The following RGL1 variants were observed in gnomAD, a reference collection of about 807,000 sequenced individuals.
RGL1 encodes ral guanine nucleotide dissociation stimulator like 1.
Under a neutral mutation model 95.2 loss-of-function variants are expected in RGL1, and 24 were observed. The observed-to-expected ratio is 0.25, with a 90% CI of 0.18 to 0.35. RGL1 has a LOEUF of 0.35. RGL1 is among the 10% of genes least tolerant of loss of function. The pLI, the probability that RGL1 is intolerant of heterozygous loss-of-function variation, is 1.00. For missense variants in RGL1, 715 were observed against 936.3 expected, an observed-to-expected ratio of 0.76 and a Z score of 3.08; for synonymous variants, 329 against 344.9, an observed-to-expected ratio of 0.95 and a Z score of 0.51.
At chr1:183,909,425 A>G (rs890230792) in intron 14 of RGL1, among the ~76,000 whole-genome samples, 1 of 152,182 alleles carries the variant, frequency 6.6e-6, no homozygotes, top group African/African-American at 2.4e-5. Context: ...GAAGAACCCT[A>G]GAGACTCTGA....
At chr1:183,826,773 T>C (rs931400530) in intron 2 of RGL1, among the ~76,000 whole-genome samples, 1 of 152,210 alleles carries the variant, frequency 6.6e-6, no homozygotes, top group African/African-American at 2.4e-5. Context: ...AAATAACATA[T>C]TTCAGTAACA....
chr1:183,890,474 A>G (rs1210764372), intron 8 of RGL1, among the ~76,000 whole-genome samples: 2 of 152,178 alleles, frequency 1.3e-5, no homozygotes, highest in African/African-American at 2.4e-5. Flanking sequence ...GTTGGTTTGT[A>G]TGTGTTTTAG....
chr1:183,857,113 A>T (rs1408368084), intron 3 of RGL1, among the ~76,000 whole-genome samples: 1 of 152,210 alleles, frequency 6.6e-6, no homozygotes, highest in Non-Finnish European at 1.5e-5. Context: ...CAGAGTAATC[A>T]CAAGGGTCCT....
At chr1:183,751,157 C>T (rs1022690275) in intron 2 of RGL1, among the ~76,000 whole-genome samples, 11 of 152,204 alleles carry the variant, frequency 7.2e-5, no homozygotes, top group Non-Finnish European at 2.9e-5. Context: ...CGAAGCTGCA[C>T]CCACAGCTGC....
intron 1 of RGL1, among the ~76,000 whole-genome samples, chr1:183,661,827 C>A (rs1190017072): frequency 6.6e-6 from 1 of 150,566 alleles, no homozygotes; most frequent in African/African-American, 2.5e-5. Flanking sequence ...TACTGGCAAA[C>A]CGAATCCAGC....
At chr1:183,649,702 T>C (rs1186240100) in intron 1 of RGL1, among the ~76,000 whole-genome samples, 1 of 152,206 alleles carries the variant, frequency 6.6e-6, no homozygotes, top group Non-Finnish European at 1.5e-5. Flanking sequence ...ATATTTCAAA[T>C]TAGTAGTTTC....
intron 9 of RGL1, among the ~76,000 whole-genome samples, chr1:183,895,628 G>A (rs1462498066): frequency 6.6e-6 from 1 of 152,168 alleles, no homozygotes; most frequent in Non-Finnish European, 1.5e-5. Context: ...GGGAGAGAAT[G>A]AGTGATACAG....
At chr1:183,802,615 A>AAAAT (rs1661059077), upstream of RGL1, among the ~76,000 whole-genome samples, 1 of 151,696 alleles carries the variant, frequency 6.6e-6, no homozygotes, top group South Asian at 2.1e-4. Flanking sequence ...AAAAAAAAAA[A>AAAAT]AAAAAACCCT....
At chr1:183,810,569 A>G (rs1210112066) in intron 2 of RGL1, among the ~76,000 whole-genome samples, 1 of 152,208 alleles carries the variant, frequency 6.6e-6, no homozygotes, top group Admixed American at 6.5e-5. Context: ...ATATATGTAG[A>G]AATAAAAGAA....
chr1:183,903,078 T>TAG (rs1668118024), intron 12 of RGL1, among the ~76,000 whole-genome samples: 1 of 152,180 alleles, frequency 6.6e-6, no homozygotes, highest in Non-Finnish European at 1.5e-5. Context: ...ATTTAGCCAT[T>TAG]CCACGGTATA....
chr1:183,835,420 G>A (rs191580974), intron 2 of RGL1, among the ~76,000 whole-genome samples: 10 of 152,294 alleles, frequency 6.6e-5, no homozygotes, highest in African/African-American at 2.2e-4. Flanking sequence ...GGAAATCAGA[G>A]CAGAACACGA....
intron 1 of RGL1, among the ~76,000 whole-genome samples, chr1:183,682,358 G>T (rs12032091): frequency 0.081 from 12,304 of 151,990 alleles, 914 homozygotes; most frequent in African/African-American, 0.2. Flanking sequence ...CAGAGATTCT[G>T]GTACGTTGTC....
intron 1 of RGL1, among the ~76,000 whole-genome samples, chr1:183,694,882 G>T (rs1475205107): frequency 6.6e-6 from 1 of 152,232 alleles, no homozygotes; most frequent in African/African-American, 2.4e-5. Flanking sequence ...AGGAAAACAG[G>T]CTGGTAATAT....
At chr1:183,646,760 T>G (rs1376173891) in intron 1 of RGL1, 1 of 152,224 alleles carries the variant, frequency 6.6e-6, no homozygotes, top group Non-Finnish European at 1.5e-5. Flanking sequence ...GAAGCAGGCT[T>G]TCAGCTGGGA....
intron 2 of RGL1, among the ~76,000 whole-genome samples, chr1:183,785,354 TC>T (rs1324641093): frequency 3.3e-5 from 5 of 152,194 alleles, no homozygotes; most frequent in African/African-American, 1.2e-4. Context: ...TGAATATTTC[TC>T]CCCTTTTTCA....
chr1:183,787,781 G>A (rs1660249051), intron 2 of RGL1, among the ~76,000 whole-genome samples: 1 of 151,538 alleles, frequency 6.6e-6, no homozygotes, highest in Non-Finnish European at 1.5e-5. Context: ...GTGAGTTCTT[G>A]CTTTATTAGT....
intron 1 of RGL1, among the ~76,000 whole-genome samples, chr1:183,692,711 G>A (rs1654017985): frequency 6.6e-6 from 1 of 152,052 alleles, no homozygotes. Context: ...AGGGAATATG[G>A]AACAAACAAC....
chr1:183,759,325 A>C (rs1014723784), intron 2 of RGL1, among the ~76,000 whole-genome samples: 2 of 152,116 alleles, frequency 1.3e-5, no homozygotes, highest in Non-Finnish European at 2.9e-5. Flanking sequence ...TAGTTTGAAC[A>C]CTTTTGGTGG....
intron 14 of RGL1, among the ~76,000 whole-genome samples, chr1:183,908,031 T>G (rs1420615250): frequency 5.3e-5 from 8 of 151,478 alleles, no homozygotes; most frequent in Admixed American, 5.3e-4. Flanking sequence ...CAACAACAAA[T>G]ATATATATAT....
Sources: allele counts gnomAD v4.1 joint callset (sites outside exome capture counted in the v4.1 genomes callset), GRCh38; gene constraint gnomAD v4.1.1; transcripts MANE v1.5; gene names NCBI Gene and HGNC (gene_info 2026-07-23, HGNC 2026-07-21).